The following SLC44A2 variants were observed in gnomAD, a reference collection of about 807,000 sequenced individuals.
SLC44A2 encodes the protein choline transporter-like protein 2.
In SLC44A2, 57 loss-of-function variants were observed where a neutral mutation model predicts 90.8. That is an observed-to-expected ratio of 0.63 (90% CI 0.51 to 0.78). The LOEUF (loss-of-function observed/expected upper bound fraction) is 0.78. SLC44A2 is among the 30% of genes least tolerant of loss of function. SLC44A2 has a pLI of 0.00. For synonymous variants in SLC44A2, 355 were observed against 360.7 expected (o/e 0.98, Z 0.18); for missense variants, 794 against 919.7 (o/e 0.86, Z 1.77).
chr19:10,602,671 C>CGAGCGCGGAGGGCCA, intron 1 of SLC44A2: 1 of 1,049,980 alleles, frequency 9.5e-7, no homozygotes, highest in Non-Finnish European at 1.2e-6. Context: ...CTGGATGGCC[C>CGAGCGCGGAGGGCCA]TCCGCGCTCG....
rs767343148 is a variant in SLC44A2, at chr19:10,635,449, C to T, written c.1167C>T (p.Asn389=). 1.9e-5 allele frequency: 31 copies of T among 1,614,024 alleles called. No individual in the cohort carries two copies. Among genetic ancestry groups the T allele is most frequent in the African/African-American group, 4.0e-5 (3 of 74,920 alleles). ...ASTAVFLSTS[N]EAVYKIFDDS... is the part of the protein sequence containing the mutation. ...CCTCCAGCTTCCTGTCCACTTCCAACGAAGCGGTCTATAAGATCTTTGATG... is the reference window on the plus strand; with the variant it reads ...CCTCCAGCTTCCTGTCCACTTCCAATGAAGCGGTCTATAAGATCTTTGATG... The change falls in exon 14 of 22, where the codon AAC becomes AAT. Residue 389 remains asparagine, a synonymous_variant. Transcript: ENST00000335757.
chr19:10,622,113 G>A (rs2066898967), upstream of SLC44A2, among the ~76,000 whole-genome samples: 1 of 152,224 alleles, frequency 6.6e-6, no homozygotes, highest in Admixed American at 6.5e-5. Context: ...ATGGATGTCT[G>A]AGAGAAGAGC....
At chr19:10,641,356 T>C (rs1382899442) in intron 20 of SLC44A2, 1 of 429,502 alleles carries the variant, frequency 2.3e-6, no homozygotes, top group Non-Finnish European at 4.6e-6. Context: ...ATGGGGCCAC[T>C]GCACTCTAGC....
chr19:10,626,808 G>T (rs2066939044), intron 2 of SLC44A2, among the ~76,000 whole-genome samples: 1 of 151,182 alleles, frequency 6.6e-6, no homozygotes, highest in Non-Finnish European at 1.5e-5. Context: ...AGGCTGGAGT[G>T]GTGCAATCTC....
At chr19:10,625,382 G>A (rs1055846942), upstream of SLC44A2, 6 of 998,774 alleles carry the variant, frequency 6.0e-6, no homozygotes, top group Admixed American at 4.5e-5. Context: ...CCGGGTGGGG[G>A]CGGGGAAGGC....
At chr19:10,629,358 A>G (rs1356049175) in intron 4 of SLC44A2, among the ~76,000 whole-genome samples, 1 of 150,152 alleles carries the variant, frequency 6.7e-6, no homozygotes, top group Non-Finnish European at 1.5e-5. Context: ...GCCCACTGCA[A>G]CCTCCGTCTC....
At chr19:10,612,171 C>T (rs1918321376) in intron 1 of SLC44A2, among the ~76,000 whole-genome samples, 1 of 151,524 alleles carries the variant, frequency 6.6e-6, no homozygotes, top group Non-Finnish European at 1.5e-5. Context: ...AATTTTATAC[C>T]AGCCTGGGCA....
At chr19:10,642,499 T>G in intron 21 of SLC44A2, 48 bp downstream of exon 21, 1 of 1,552,176 alleles carries the variant, frequency 6.4e-7, no homozygotes, top group Non-Finnish European at 8.9e-7. Context: ...AATCCCTTCT[T>G]TCCACTGGGC....
In SLC44A2 at chr19:10,636,756, G is replaced by T; in HGVS notation, c.1591G>T (p.Ala531Ser). The T allele has an allele frequency of 6.2e-7, 1 of 1,613,272 alleles. No homozygotes were observed. Among genetic ancestry groups the T allele is most frequent in the East Asian group, 2.2e-5 (1 of 44,832 alleles). The change falls in exon 16 of 22, where the codon GCT becomes TCT. Residue 531 changes from alanine to serine, a missense_variant and splice_region_variant. Transcript: ENST00000335757. ...ILEYLDQRLK[A>S]AENKFAKCLM... ...CGAGTACCTGGATCAGCGGCTGAAA[G>T]GTACGTCCCACCCACGGTTCGCATT...
At position 10,636,758 on chromosome 19, in the gene SLC44A2, T is replaced by C. The variant is rs1396271947; in HGVS notation, c.1591+2T>C. 3.1e-6 allele frequency: 5 copies of C among 1,612,908 alleles called. No homozygotes were observed. Among genetic ancestry groups the C allele is most frequent in the Admixed American group, 3.3e-5 (2 of 59,858 alleles). On this transcript the variant is annotated splice_donor_variant, in intron 16 of 21. Transcript: ENST00000335757. LOFTEE classifies it high-confidence loss of function. ...AGTACCTGGATCAGCGGCTGAAAGG[T>C]ACGTCCCACCCACGGTTCGCATTAG...
chr19:10,615,568 C>T (rs1395768783), intron 1 of SLC44A2, among the ~76,000 whole-genome samples: 26 of 146,676 alleles, frequency 1.8e-4, no homozygotes, highest in Non-Finnish European at 3.4e-4. Flanking sequence ...AGGGAGACTC[C>T]GTCTCAAAAA....
upstream of SLC44A2, among the ~76,000 whole-genome samples, chr19:10,623,439 G>A (rs1259450775): frequency 6.6e-6 from 1 of 152,092 alleles, no homozygotes; most frequent in African/African-American, 2.4e-5. Flanking sequence ...TGCTGTCTGT[G>A]TACACCCAGC....
At chr19:10,616,760 A>G (rs8107248) in intron 1 of SLC44A2, among the ~76,000 whole-genome samples, 121,757 of 151,056 alleles carry the variant, frequency 0.81, 49,147 homozygotes, top group African/African-American at 0.85. Context: ...AAAAAAAAAT[A>G]GAGACTGGGT....
At chr19:10,642,273 G>T (rs536672044) in intron 20 of SLC44A2, 94 bp from the exon 21 acceptor site, 3 of 1,020,184 alleles carry the variant, frequency 2.9e-6, no homozygotes, top group South Asian at 2.6e-5. Flanking sequence ...TCTCAGCAGG[G>T]GAAGGATGTG....
intron 1 of SLC44A2, among the ~76,000 whole-genome samples, chr19:10,612,852 C>A (rs1918344256): frequency 6.6e-6 from 1 of 152,202 alleles, no homozygotes; most frequent in African/African-American, 2.4e-5. Context: ...TTCTTCCACA[C>A]CATTGCCGCA....
chr19:10,607,412 G>A (rs1918140842), intron 1 of SLC44A2, among the ~76,000 whole-genome samples: 1 of 151,816 alleles, frequency 6.6e-6, no homozygotes. Context: ...GTGCAGTGGT[G>A]CGATCATAGC....
chr19:10,602,536 G>A lies in SLC44A2; in HGVS notation c.6G>A (p.Glu2=), dbSNP rs115559926. ...CTCCCCGCCCCGCCGCGGCCATGGAGGACGAGCGGAAAAACGGAGCCTACG... is the reference window on the plus strand; with the variant it reads ...CTCCCCGCCCCGCCGCGGCCATGGAAGACGAGCGGAAAAACGGAGCCTACG... The change falls in exon 1 of 22, where the codon GAG becomes GAA. Residue 2 remains glutamate (E), a synonymous_variant. Coordinates refer to the SLC44A2 transcript ENST00000407327. The A allele has an allele frequency of 2.8e-3, 3,540 of 1,280,592 alleles. 94 individuals are homozygous for A. In the African/African-American group the frequency reaches 0.049, roughly 18 times the overall value. 79.3% of individuals were successfully genotyped at this position (1,280,592 alleles called of 1,614,324 possible).
At chr19:10,634,654 C>CA in intron 10 of SLC44A2, 102 bp from the exon 11 acceptor site, 1 of 1,557,856 alleles carries the variant, frequency 6.4e-7, no homozygotes, top group Non-Finnish European at 8.8e-7. Context: ...GTCCCTGAGG[C>CA]AGAAGCCTCG....
In SLC44A2 at chr19:10,633,229, G is replaced by T. The variant is rs570570706; in HGVS notation, c.823+1073G>T. 7.3e-5 allele frequency among the ~76,000 whole-genome samples: 11 copies of T among 150,814 alleles called. No homozygotes were observed. The South Asian group carries it at 2.3e-3, about 32-fold the overall frequency. ...ACCCAGGCTGGCGTGCAGTGGTGCA[G>T]TCTCGGCTCACTGCAATCTCTGCCT... On this transcript the variant is annotated intron_variant, in intron 10 of 21. Transcript: ENST00000335757.
Sources: gnomAD v4.1 joint callset for allele counts (sites outside exome capture counted in the v4.1 genomes callset) on GRCh38, gnomAD v4.1.1 for gene constraint, MANE v1.5 for transcripts, NCBI Gene and HGNC (gene_info 2026-07-23, HGNC 2026-07-21) for gene names.